Variants in EML6 observed in about 807,000 individuals in gnomAD.
The protein encoded by EML6 is EMAP like 6.
Under a neutral mutation model 240.1 loss-of-function variants are expected in EML6, and 154 were observed. That is an observed-to-expected ratio of 0.64 (90% CI 0.56 to 0.73). The LOEUF (loss-of-function observed/expected upper bound fraction) is 0.73. Among genes scored for constraint, EML6 ranks in the 30% least tolerant of loss-of-function variants. The pLI, the probability that EML6 is intolerant of heterozygous loss-of-function variation, is 0.00. For synonymous variants in EML6, 1,148 were observed against 899.0 expected, an observed-to-expected ratio of 1.28 and a Z score of -4.95; for missense variants, 2,964 against 2,474.6, an observed-to-expected ratio of 1.20 and a Z score of -4.20.
chr2:54,856,024 C>G (rs575515042), intron 11 of EML6, among the ~76,000 whole-genome samples: 1 of 152,322 alleles, frequency 6.6e-6, no homozygotes, highest in Admixed American at 6.5e-5. Flanking sequence ...TTTTTAAAAA[C>G]TCACAACCAA....
chr2:54,963,905 C>A (rs1486485948), intron 36 of EML6, 81 bp from the exon 37 acceptor site: 8 of 1,375,922 alleles, frequency 5.8e-6, no homozygotes, highest in Non-Finnish European at 7.8e-6. Context: ...AGCCTGACTT[C>A]TCTGGCCTGG....
intron 36 of EML6, 112 bp downstream of exon 36, chr2:54,962,823 G>GT: frequency 1.3e-6 from 1 of 790,884 alleles, no homozygotes; most frequent in Non-Finnish European, 1.8e-6. Context: ...ATGGGGCCAG[G>GT]TAGGAGATCG....
chr2:54,945,505 C>T (rs1275075010), intron 28 of EML6, among the ~76,000 whole-genome samples: 2 of 152,080 alleles, frequency 1.3e-5, no homozygotes, highest in Admixed American at 6.6e-5. Flanking sequence ...ACCCACACCC[C>T]TCTTTATAGA....
intron 25 of EML6, among the ~76,000 whole-genome samples, chr2:54,915,953 T>G (rs776838395): frequency 3.3e-5 from 5 of 152,220 alleles, no homozygotes; most frequent in Non-Finnish European, 7.3e-5. Context: ...TTGTCTATTA[T>G]TGTTTTAAGA....
Position 54,916,742 on chromosome 2 carries a change from C to T in EML6, c.3499-17C>T. The T allele has an allele frequency of 1.1e-5, 16 of 1,476,550 alleles. No individual in the cohort carries two copies. The highest frequency in any genetic ancestry group is 1.5e-5 in the Non-Finnish European group (16 of 1,098,518). The allele number at this position is 1,476,550 out of a possible 1,614,324, so 91.5% of individuals were successfully genotyped here. ...CTAGGTTGTGCAAAAATATCATTCT[C>T]TTTCGTTCTTTTTCAGATCGAGAAG... On this transcript the variant is annotated splice_polypyrimidine_tract_variant and intron_variant, in intron 25 of 41. Coordinates refer to ENST00000356458, the MANE Select transcript of EML6 (RefSeq NM_001039753.4).
Position 54,948,913 on chromosome 2 carries a change from G to T in EML6, c.4036G>T (p.Glu1346Ter). 6.4e-7 allele frequency: 1 copy of T among 1,551,554 alleles called. No homozygotes were observed. Among genetic ancestry groups the T allele is most frequent in the Non-Finnish European group, 8.7e-7 (1 of 1,146,978 alleles). ...CGTTAGCCGAGCAGCTCCCCAGCCT[G>T]AGAAACTGCAGAAGAACAATATCAC... ...PPVSRAAPQP[E>*]KLQKNNITKK... is the part of the protein sequence containing the mutation. Residue 1346 changes from glutamate (E) to a stop codon, truncating the protein, a stop_gained, in exon 29 of 42, where the codon GAG becomes TAG. Transcript: ENST00000356458. LOFTEE classifies it high-confidence loss of function.
intron 35 of EML6, 78 bp from the exon 36 acceptor site, chr2:54,962,445 T>A: frequency 9.1e-7 from 1 of 1,104,634 alleles, no homozygotes; most frequent in Non-Finnish European, 1.3e-6. Context: ...CTCCATGAAT[T>A]TGTCTACTCT....
chr2:54,950,825 T>A (rs1308035287), intron 30 of EML6, 46 bp downstream of exon 30: 1 of 1,533,242 alleles, frequency 6.5e-7, no homozygotes, highest in Non-Finnish European at 8.8e-7. Context: ...AGCTGTTTTT[T>A]ACATGCTTTC....
intron 2 of EML6, among the ~76,000 whole-genome samples, chr2:54,798,468 C>T (rs927996374): frequency 1.5e-4 from 23 of 152,124 alleles, no homozygotes; most frequent in African/African-American, 2.4e-4. Flanking sequence ...CGACCACACC[C>T]GGCCATTTTA....
intron 2 of EML6, chr2:54,748,219 A>G (rs1248191649): frequency 6.6e-6 from 1 of 152,190 alleles, no homozygotes; most frequent in Non-Finnish European, 1.5e-5. Context: ...TCAAAGAAAG[A>G]CTCAATAAAA....
At position 54,725,185 on chromosome 2, in the gene EML6, G is replaced by A. The variant is rs1462743253; in HGVS notation, c.124G>A (p.Gly42Arg). 3.9e-6 allele frequency: 6 copies of A among 1,527,656 alleles called. No homozygotes were observed. Among genetic ancestry groups the A allele is most frequent in the Non-Finnish European group, 4.4e-6 (5 of 1,135,278 alleles). 94.6% of individuals were successfully genotyped at this position (1,527,656 alleles called of 1,614,324 possible). The change falls in exon 2 of 42, where the codon GGG becomes AGG. Residue 42 changes from glycine (G) to arginine (R), a missense_variant. Coordinates refer to ENST00000356458, the MANE Select transcript of EML6 (RefSeq NM_001039753.4). The surrounding 1 kb of genome is among the most constrained non-coding windows in gnomAD (Gnocchi z 4.3). ...CAAGGAGGTGGTCTACTTTGTGGCTGGGGTCGGGGTGGTTTACAACACCCG... is the reference window on the plus strand; with the variant it reads ...CAAGGAGGTGGTCTACTTTGTGGCTAGGGTCGGGGTGGTTTACAACACCCG... ...AGKEVVYFVA[G>R]VGVVYNTREH... is the part of the protein sequence containing the mutation.
At chr2:54,964,829 A>G (rs1411739357) in intron 38 of EML6, 96 bp downstream of exon 38, 8 of 1,163,376 alleles carry the variant, frequency 6.9e-6, no homozygotes, top group East Asian at 2.6e-5. Context: ...GTACCAGGCA[A>G]TGTGCTAACT....
At chr2:54,967,172 C>T (rs1351877416) in intron 39 of EML6, 69 bp downstream of exon 39, 3 of 1,039,512 alleles carry the variant, frequency 2.9e-6, no homozygotes, top group Non-Finnish European at 4.4e-6. Flanking sequence ...TCAGGCTCAG[C>T]CTCCAAGTCT....
In EML6 at chr2:54,948,939, C is replaced by G. The variant is rs1675826770; in HGVS notation, c.4062C>G (p.Thr1354=). 1 of 1,536,040 alleles carries G rather than the reference C, an allele frequency of 6.5e-7. No individual in the cohort carries two copies. Among genetic ancestry groups the G allele is most frequent in the Admixed American group, 2.0e-5 (1 of 50,836 alleles). ...QPEKLQKNNI[T]KKKKLVEELA... Reference sequence around the variant, plus strand: ...AGAAACTGCAGAAGAACAATATCACCAAAAAAAAGAAACTGGTTGAGGTGA... The same window carrying G: ...AGAAACTGCAGAAGAACAATATCACGAAAAAAAAGAAACTGGTTGAGGTGA... The change falls in exon 29 of 42, where the codon ACC becomes ACG. Residue 1354 remains threonine (T), a synonymous_variant. Coordinates refer to ENST00000356458, the MANE Select transcript of EML6 (RefSeq NM_001039753.4).
chr2:54,827,392 T>C (rs746427317), intron 5 of EML6, among the ~76,000 whole-genome samples, 174 bp from the exon 6 acceptor site: 1 of 152,198 alleles, frequency 6.6e-6, no homozygotes, highest in South Asian at 2.1e-4. Flanking sequence ...TCCTGGTAGT[T>C]AGCTAAAATG....
At chr2:54,837,883 C>T (rs1669236996) in intron 7 of EML6, among the ~76,000 whole-genome samples, 1 of 152,214 alleles carries the variant, frequency 6.6e-6, no homozygotes. Flanking sequence ...GGGTTGGGAA[C>T]AACCATGCCT....
chr2:54,860,445 A>G (rs1054155608), intron 12 of EML6, among the ~76,000 whole-genome samples: 1 of 152,156 alleles, frequency 6.6e-6, no homozygotes, highest in African/African-American at 2.4e-5. Flanking sequence ...TCCGGAGGCT[A>G]CTTGGCGGCC....
At chr2:54,905,981 T>C (rs1274338637) in intron 24 of EML6, among the ~76,000 whole-genome samples, 1 of 152,260 alleles carries the variant, frequency 6.6e-6, no homozygotes, top group Non-Finnish European at 1.5e-5. Flanking sequence ...GATGCTGCTA[T>C]GAACATGGAT....
At chr2:54,948,793 C>A in intron 28 of EML6, 89 bp from the exon 29 acceptor site, 2 of 969,752 alleles carry the variant, frequency 2.1e-6, no homozygotes, top group Non-Finnish European at 3.2e-6. Flanking sequence ...AGAGAGGAGG[C>A]CGGCACTGGC....
Sources: gnomAD v4.1 joint callset for allele counts (sites outside exome capture counted in the v4.1 genomes callset) on GRCh38, gnomAD v4.1.1 for gene constraint, Gnocchi (gnomAD v3.1) non-coding constraint, MANE v1.5 for transcripts, NCBI Gene and HGNC (gene_info 2026-07-23, HGNC 2026-07-21) for gene names.